The following MTSS1 variants were observed in gnomAD, a reference collection of about 807,000 sequenced individuals.
The protein encoded by MTSS1 is protein MTSS 1.
In MTSS1, 18 loss-of-function variants were observed where a neutral mutation model predicts 79.0. The ratio of observed to expected loss-of-function variants is 0.23; its 90% CI spans 0.16 to 0.34. MTSS1 has a LOEUF of 0.34. Ranked by LOEUF, MTSS1 falls within the 10% of genes least tolerant of loss-of-function variation. MTSS1 has a pLI of 1.00. For missense variants in MTSS1, 815 were observed against 986.2 expected (o/e 0.83, Z 2.33); for synonymous variants, 341 against 368.6 (o/e 0.93, Z 0.86).
intron 5 of MTSS1, among the ~76,000 whole-genome samples, chr8:124,586,497 A>G (rs746892640): frequency 7.2e-5 from 11 of 151,944 alleles, no homozygotes; most frequent in Non-Finnish European, 1.3e-4. Flanking sequence ...CTCTCCCCCA[A>G]CATCCTGTGC....
intron 3 of MTSS1, among the ~76,000 whole-genome samples, chr8:124,682,394 C>A (rs940062013): frequency 1.3e-5 from 2 of 152,216 alleles, no homozygotes; most frequent in African/African-American, 4.8e-5. Flanking sequence ...ACTAACACGG[C>A]TATCCCTTCA....
intron 3 of MTSS1, among the ~76,000 whole-genome samples, chr8:124,652,749 C>G (rs192532011): frequency 7.0e-6 from 1 of 143,094 alleles, no homozygotes; most frequent in African/African-American, 2.7e-5. Context: ...GAGCCGAGAT[C>G]GTGCCATTGC....
chr8:124,579,083 G>T (rs1050027968), intron 6 of MTSS1, among the ~76,000 whole-genome samples: 1 of 152,114 alleles, frequency 6.6e-6, no homozygotes, highest in Non-Finnish European at 1.5e-5. Context: ...AAGATAAGCA[G>T]AATCTTTAGA....
At chr8:124,583,650 T>C (rs923842510) in intron 6 of MTSS1, among the ~76,000 whole-genome samples, 7 of 152,098 alleles carry the variant, frequency 4.6e-5, no homozygotes, top group African/African-American at 1.7e-4. Flanking sequence ...CCTTCATCCT[T>C]TTCACCAAAC....
chr8:124,727,774 T>TGGC lies in MTSS1; in HGVS notation c.72+107_72+109dup. On this transcript the variant is annotated intron_variant, in intron 1 of 13. Transcript: ENST00000518547. The surrounding 1 kb of genome is among the most constrained non-coding windows in gnomAD (Gnocchi z 4.7). ...GCCGGGAGCTCCCGCAGGTGGCCGG[T>TGGC]GGCCACACTGCAGGGAAGGGCCGGG... 1.1e-6 allele frequency: 1 copy of TGGC among 952,300 alleles called. No individual in the cohort carries two copies. Among genetic ancestry groups the TGGC allele is most frequent in the Non-Finnish European group, 1.5e-6 (1 of 658,668 alleles). 59.0% of individuals were successfully genotyped at this position (952,300 alleles called of 1,614,324 possible).
intron 3 of MTSS1, among the ~76,000 whole-genome samples, chr8:124,665,792 C>G (rs796474650): frequency 1.3e-5 from 2 of 150,660 alleles, no homozygotes; most frequent in East Asian, 3.9e-4. Flanking sequence ...ACTTGAACCC[C>G]GGAGGCGGAG....
chr8:124,717,179 C>T lies in MTSS1; in HGVS notation c.72+10705G>A, dbSNP rs760569066. ...AACGCCACCTCCTCTGCGAGGCCCG[C>T]CCCTAACCACTCTACTTAAAAACAG... On this transcript the variant is annotated intron_variant, in intron 1 of 13. Transcript: ENST00000518547. Among the ~76,000 whole-genome samples, 6 of 152,086 alleles carry T rather than the reference C, an allele frequency of 3.9e-5. No homozygotes were observed. The East Asian group carries it at 5.8e-4, about 15-fold the overall frequency.
intron 3 of MTSS1, among the ~76,000 whole-genome samples, chr8:124,660,557 C>CTCCAACA: frequency 6.6e-6 from 1 of 152,054 alleles, no homozygotes; most frequent in African/African-American, 2.4e-5. Context: ...TAACCCACGC[C>CTCCAACA]TCCAACAGAA....
At chr8:124,677,382 C>T (rs957046735) in intron 3 of MTSS1, among the ~76,000 whole-genome samples, 7 of 152,280 alleles carry the variant, frequency 4.6e-5, no homozygotes, top group South Asian at 2.1e-4. Context: ...CTTTGAGGGC[C>T]CTTTGGTCTC....
At chr8:124,642,878 C>CCACT (rs1372910489) in intron 3 of MTSS1, among the ~76,000 whole-genome samples, 4 of 152,202 alleles carry the variant, frequency 2.6e-5, no homozygotes, top group African/African-American at 9.6e-5. Context: ...CAGGCATGAG[C>CCACT]CACTGCGCCC....
At chr8:124,611,072 C>A (rs999185320) in intron 3 of MTSS1, among the ~76,000 whole-genome samples, 4 of 150,282 alleles carry the variant, frequency 2.7e-5, no homozygotes, top group African/African-American at 9.9e-5. Flanking sequence ...AGTGCACGTG[C>A]CTGAGTACAC....
intron 3 of MTSS1, among the ~76,000 whole-genome samples, chr8:124,646,653 G>GT (rs1354677485): frequency 6.6e-5 from 10 of 152,110 alleles, no homozygotes; most frequent in Non-Finnish European, 1.5e-4. Flanking sequence ...CAAAATGCCC[G>GT]TGAGTTTTAA....
chr8:124,592,724 T>C (rs114517634), intron 3 of MTSS1, among the ~76,000 whole-genome samples: 2,913 of 151,952 alleles, frequency 0.019, 52 homozygotes, highest in South Asian at 0.043. Flanking sequence ...AAGGCCTCTA[T>C]TCCTCTAAAA....
chr8:124,712,532 GT>G (rs1405910979), intron 1 of MTSS1, among the ~76,000 whole-genome samples: 1 of 152,142 alleles, frequency 6.6e-6, no homozygotes, highest in Admixed American at 6.5e-5. Flanking sequence ...TCATAGCTTT[GT>G]CCCCAAAACC....
At chr8:124,641,155 A>G (rs558728296) in intron 3 of MTSS1, among the ~76,000 whole-genome samples, 35 of 152,082 alleles carry the variant, frequency 2.3e-4, no homozygotes, top group Middle Eastern at 3.4e-3. Flanking sequence ...CAAGGAAGAG[A>G]GCCATCACAG....
At chr8:124,716,248 T>C (rs926781484) in intron 1 of MTSS1, among the ~76,000 whole-genome samples, 25 of 151,526 alleles carry the variant, frequency 1.6e-4, no homozygotes, top group Non-Finnish European at 2.8e-4. Flanking sequence ...TCTCAGAGGA[T>C]AAATGGGAAT....
intron 3 of MTSS1, among the ~76,000 whole-genome samples, chr8:124,655,255 G>C (rs534954099): frequency 1.3e-5 from 2 of 152,312 alleles, no homozygotes; most frequent in South Asian, 4.1e-4. Flanking sequence ...ACCCTCCCAG[G>C]GGAGCTTTTG....
intron 6 of MTSS1, 46 bp downstream of exon 6, chr8:124,585,041 G>A (rs1461842258): frequency 3.3e-6 from 5 of 1,505,316 alleles, no homozygotes; most frequent in Non-Finnish European, 4.6e-6. Context: ...AACAAATCAA[G>A]TACTCCATCA....
intron 3 of MTSS1, among the ~76,000 whole-genome samples, chr8:124,602,198 T>C (rs1019461574): frequency 7.0e-6 from 1 of 143,106 alleles, no homozygotes; most frequent in Non-Finnish European, 1.5e-5. Context: ...CATATATATA[T>C]ATATATATAA....
Sources: allele counts gnomAD v4.1 joint callset (sites outside exome capture counted in the v4.1 genomes callset), GRCh38; gene constraint gnomAD v4.1.1; non-coding constraint Gnocchi (gnomAD v3.1); transcripts MANE v1.5; gene names NCBI Gene and HGNC (gene_info 2026-07-23, HGNC 2026-07-21).